The following SLCO1A2 variants were observed in gnomAD, a reference collection of about 807,000 sequenced individuals.
SLCO1A2 encodes the protein OATP-1.
Under a neutral mutation model 69.0 loss-of-function variants are expected in SLCO1A2, and 67 were observed. The ratio of observed to expected loss-of-function variants is 0.97; its 90% confidence interval spans 0.80 to 1.19. The LOEUF (loss-of-function observed/expected upper bound fraction) is 1.19, where lower values mean the gene tolerates loss of function less well. Among genes scored for constraint, SLCO1A2 ranks in the 50% most tolerant of loss-of-function variants. The pLI, the probability that SLCO1A2 is intolerant of heterozygous loss-of-function variation, is 0.00. For synonymous variants in SLCO1A2, 260 were observed against 265.9 expected (o/e 0.98, Z 0.22); for missense variants, 787 against 793.7 (o/e 0.99, Z 0.10).
At chr12:21,278,405 C>T (rs1944255967) in intron 12 of SLCO1A2, among the ~76,000 whole-genome samples, 1 of 151,812 alleles carries the variant, frequency 6.6e-6, no homozygotes. Context: ...TAGGTGGCAG[C>T]CAGGTAGAGG....
At chr12:21,312,605 G>T (rs931752439) in intron 4 of SLCO1A2, among the ~76,000 whole-genome samples, 1 of 152,126 alleles carries the variant, frequency 6.6e-6, no homozygotes. Context: ...TGAGAAATGT[G>T]CAACTCTTTC....
chr12:21,322,077 G>A (rs1951704765), intron 2 of SLCO1A2, among the ~76,000 whole-genome samples: 1 of 152,150 alleles, frequency 6.6e-6, no homozygotes, highest in Non-Finnish European at 1.5e-5. Context: ...AGAAATCAGA[G>A]CTGAAAGTAA....
chr12:21,359,161 T>C (rs1938613578), intron 2 of SLCO1A2, among the ~76,000 whole-genome samples: 2 of 152,150 alleles, frequency 1.3e-5, no homozygotes, highest in Admixed American at 1.3e-4. Context: ...ACTTTAAGAC[T>C]ATGGACTTTA....
At chr12:21,363,635 T>C (rs943092556) in intron 2 of SLCO1A2, among the ~76,000 whole-genome samples, 1 of 151,972 alleles carries the variant, frequency 6.6e-6, no homozygotes, top group African/African-American at 2.4e-5. Flanking sequence ...ATGAACAAAA[T>C]TGATAGACTG....
chr12:21,334,659 G>T lies in SLCO1A2; in HGVS notation c.-12C>A. ...TCAGTTTCTCCCATGTTGCTCTTCAGGGTGTTCCAAGCTATTTATGTTTTA... is the reference window on the plus strand; with the variant it reads ...TCAGTTTCTCCCATGTTGCTCTTCATGGTGTTCCAAGCTATTTATGTTTTA... On this transcript the variant is annotated 5_prime_UTR_variant, in exon 2 of 15. It adds an upstream start codon to the 5' untranslated region. Transcript: ENST00000683939. The T allele has an allele frequency of 3.1e-6, 5 of 1,606,028 alleles. No individual in the cohort carries two copies. The highest frequency in any genetic ancestry group is 4.3e-6 in the Non-Finnish European group (5 of 1,175,668).
intron 2 of SLCO1A2, among the ~76,000 whole-genome samples, chr12:21,351,906 C>T (rs1346512999): frequency 3.3e-5 from 5 of 152,136 alleles, no homozygotes; most frequent in African/African-American, 1.2e-4. Context: ...AAATACTACA[C>T]AAGCTCACCA....
chr12:21,293,987 A>G lies in SLCO1A2; in HGVS notation c.1395T>C (p.Cys465=). ...GNNGLSYLSA[C]LAGCETSIGT... ...CAATGGATGTCTCACAACCAGCAAG[A>G]CAAGCTGACAGATATGACAAGCCAT... The change falls in exon 11 of 15, where the codon TGT becomes TGC. Residue 465 remains cysteine (C), a synonymous_variant. Coordinates refer to ENST00000683939, the MANE Select transcript of SLCO1A2 (RefSeq NM_001386879.1). The G allele has an allele frequency of 6.2e-7, 1 of 1,612,672 alleles. No individual in the cohort carries two copies. Among genetic ancestry groups the G allele is most frequent in the African/African-American group, 1.3e-5 (1 of 74,984 alleles).
intron 1 of SLCO1A2, among the ~76,000 whole-genome samples, chr12:21,400,950 C>G (rs1040913745): frequency 1.3e-5 from 2 of 149,590 alleles, no homozygotes; most frequent in Non-Finnish European, 3.0e-5. Flanking sequence ...GTGGGTGCAG[C>G]TCACCAGCAT....
intron 2 of SLCO1A2, among the ~76,000 whole-genome samples, chr12:21,342,936 A>T (rs1953123369): frequency 6.6e-6 from 1 of 152,160 alleles, no homozygotes; most frequent in Admixed American, 6.6e-5. Flanking sequence ...CTAGGGGGAA[A>T]AGTACACTCA....
At chr12:21,406,734 T>C (rs1941828945) in intron 1 of SLCO1A2, among the ~76,000 whole-genome samples, 1 of 152,174 alleles carries the variant, frequency 6.6e-6, no homozygotes. Flanking sequence ...AGAATGGGGA[T>C]TCAGTCAGCT....
chr12:21,297,662 G>GT (rs1438595935), intron 8 of SLCO1A2, 94 bp from the exon 9 acceptor site: 26 of 784,232 alleles, frequency 3.3e-5, no homozygotes. Context: ...AACAAATTAT[G>GT]TTTTTTACTA....
intron 1 of SLCO1A2, among the ~76,000 whole-genome samples, chr12:21,393,482 T>C (rs1941262708): frequency 6.6e-6 from 1 of 152,166 alleles, no homozygotes; most frequent in South Asian, 2.1e-4. Flanking sequence ...CTCAAAAATA[T>C]TTATTTCTGT....
chr12:21,330,490 C>A (rs960681126), intron 2 of SLCO1A2, among the ~76,000 whole-genome samples: 1 of 151,982 alleles, frequency 6.6e-6, no homozygotes, highest in Non-Finnish European at 1.5e-5. Flanking sequence ...GCCTGGGTGA[C>A]AGAGTGAGGC....
upstream of SLCO1A2, among the ~76,000 whole-genome samples, chr12:21,399,833 C>G (rs1941625290): frequency 7.1e-6 from 1 of 141,778 alleles, no homozygotes; most frequent in Admixed American, 7.2e-5. Context: ...ATGTAGAAAG[C>G]TGAAACTGGA....
chr12:21,412,755 T>TTA (rs1366876587), intron 1 of SLCO1A2, among the ~76,000 whole-genome samples: 1 of 152,166 alleles, frequency 6.6e-6, no homozygotes, highest in Non-Finnish European at 1.5e-5. Flanking sequence ...GGTTTGAATC[T>TTA]TAGCCCCTCA....
intron 1 of SLCO1A2, among the ~76,000 whole-genome samples, chr12:21,412,881 A>G (rs1443610309): frequency 6.6e-6 from 1 of 152,204 alleles, no homozygotes; most frequent in Non-Finnish European, 1.5e-5. Flanking sequence ...CTTAGACTCC[A>G]TCACTTCAAT....
chr12:21,342,422 A>G (rs1439592645), intron 2 of SLCO1A2, among the ~76,000 whole-genome samples: 1 of 152,084 alleles, frequency 6.6e-6, no homozygotes, highest in East Asian at 1.9e-4. Context: ...CAAGTGTATT[A>G]ATATATTACA....
intron 2 of SLCO1A2, among the ~76,000 whole-genome samples, chr12:21,368,492 G>A (rs1484055855): frequency 6.6e-6 from 1 of 151,708 alleles, no homozygotes; most frequent in Non-Finnish European, 1.5e-5. Context: ...GTAGACAACT[G>A]GAAAACGTGA....
In SLCO1A2 at chr12:21,361,035, T is replaced by C. The variant is rs576095956; in HGVS notation, c.-63+13364A>G. Among the ~76,000 whole-genome samples, 7 of 151,996 alleles carry C rather than the reference T, an allele frequency of 4.6e-5. No homozygotes were observed. The East Asian group carries it at 7.8e-4, about 17-fold the overall frequency. On this transcript the variant is annotated intron_variant, in intron 2 of 15. Transcript: ENST00000307378. The stretch of plus-strand genomic sequence containing the variant: ...CCCTGTCTGACAGCTTTGAAGAGAG[T>C]TGTGGTTCTCCCAGCACGGAGTTTG...
Sources: allele counts gnomAD v4.1 joint callset (sites outside exome capture counted in the v4.1 genomes callset), GRCh38; gene constraint gnomAD v4.1.1; transcripts MANE v1.5; gene names NCBI Gene and HGNC (gene_info 2026-07-23, HGNC 2026-07-21).